Variants in PNPT1 observed in about 807,000 individuals in gnomAD.
PNPT1 encodes polyribonucleotide nucleotidyltransferase 1, mitochondrial.
A neutral mutation model predicts 119.5 loss-of-function variants in PNPT1; 53 were observed. The observed-to-expected ratio is 0.44, with a 90% CI of 0.36 to 0.56. The LOEUF is 0.56. PNPT1 is among the 20% of genes least tolerant of loss of function. PNPT1 has a pLI of 0.00. For missense variants in PNPT1, 948 were observed against 938.5 expected (o/e 1.01, Z -0.13); for synonymous variants, 357 against 322.1 (o/e 1.11, Z -1.16).
intron 4 of PNPT1, 139 bp from the exon 5 acceptor site, chr2:55,683,973 G>C: frequency 1.4e-6 from 1 of 718,184 alleles, no homozygotes; most frequent in East Asian, 2.7e-5. Context: ...GAGGGACACA[G>C]ATAAATGTCA....
intron 21 of PNPT1, 111 bp downstream of exon 21, chr2:55,646,148 A>T: frequency 9.4e-7 from 1 of 1,066,350 alleles, no homozygotes; most frequent in Admixed American, 2.7e-5. Context: ...GATCTAAGTT[A>T]TATGAAATTC....
At chr2:55,636,796 A>G (rs1461485806) in intron 27 of PNPT1, among the ~76,000 whole-genome samples, 1 of 152,194 alleles carries the variant, frequency 6.6e-6, no homozygotes, top group African/African-American at 2.4e-5. Context: ...CCAACACATT[A>G]GTGTTTATTT....
At position 55,689,852 on chromosome 2, in the gene PNPT1, T is replaced by G. The variant is rs1345299919; in HGVS notation, c.162-2147A>C. Reference sequence around the variant, plus strand: ...ATTTACTTATTTTGAGATAGGGTCTTGCTCTGTTGCCCAGGCTGGAGTGCC... The same window carrying G: ...ATTTACTTATTTTGAGATAGGGTCTGGCTCTGTTGCCCAGGCTGGAGTGCC... On this transcript the variant is annotated intron_variant, in intron 1 of 27. Transcript: ENST00000447944. Among the ~76,000 whole-genome samples the G allele has an allele frequency of 2.0e-5, 3 of 152,308 alleles. No homozygotes were observed. In the East Asian group the frequency reaches 5.8e-4, roughly 29 times the overall value.
chr2:55,685,069 A>G (rs1014777916), intron 3 of PNPT1, 21 bp from the exon 4 acceptor site: 6 of 1,544,892 alleles, frequency 3.9e-6, no homozygotes, highest in African/African-American at 1.4e-5. Context: ...AATAAAAAAA[A>G]GTTCATATAA....
chr2:55,638,059 T>C (rs1255873371), intron 26 of PNPT1, among the ~76,000 whole-genome samples: 2 of 151,122 alleles, frequency 1.3e-5, no homozygotes, highest in African/African-American at 4.9e-5. Context: ...CCCAGAACTT[T>C]GGGAGGCTGG....
At chr2:55,676,828 C>T (rs1057126272) in intron 8 of PNPT1, among the ~76,000 whole-genome samples, 3 of 150,776 alleles carry the variant, frequency 2.0e-5, no homozygotes, top group African/African-American at 7.3e-5. Flanking sequence ...TGCCACTGTA[C>T]TCCAGCCTCG....
At chr2:55,648,543 T>C (rs1178786490) in intron 18 of PNPT1, among the ~76,000 whole-genome samples, 2 of 152,252 alleles carry the variant, frequency 1.3e-5, no homozygotes, top group African/African-American at 2.4e-5. Flanking sequence ...AAAAAATGGT[T>C]ATTTTAAATC....
intron 25 of PNPT1, among the ~76,000 whole-genome samples, chr2:55,642,173 A>C (rs1301630324): frequency 6.6e-6 from 1 of 152,158 alleles, no homozygotes; most frequent in Non-Finnish European, 1.5e-5. Flanking sequence ...CCAATTAAGC[A>C]TTCAGATATG....
intron 1 of PNPT1, among the ~76,000 whole-genome samples, chr2:55,689,371 C>T (rs574626425): frequency 1.4e-3 from 206 of 152,274 alleles, no homozygotes; most frequent in African/African-American, 4.5e-3. Flanking sequence ...AAATACAAAT[C>T]CAAATCACAG....
chr2:55,679,648 A>C, intron 8 of PNPT1, 34 bp downstream of exon 8: 1 of 1,425,248 alleles, frequency 7.0e-7, no homozygotes, highest in Non-Finnish European at 9.9e-7. Flanking sequence ...TGTAAGTAAA[A>C]TCCAGAACAA....
chr2:55,691,866 A>T (rs1572841477), intron 1 of PNPT1, among the ~76,000 whole-genome samples: 2 of 77,272 alleles, frequency 2.6e-5, no homozygotes, highest in Non-Finnish European at 4.8e-5. Flanking sequence ...ATATATATAT[A>T]TATATATATA....
In PNPT1 at chr2:55,644,735, A is replaced by G; in HGVS notation, c.1823-15T>C. On this transcript the variant is annotated splice_polypyrimidine_tract_variant and intron_variant, in intron 22 of 27. Coordinates refer to ENST00000447944, the MANE Select transcript of PNPT1 (RefSeq NM_033109.5). Reference sequence around the variant, plus strand: ...CTGAACAGTTTCTGGAACGTAATACAGACAAATATATAAACAATTCAACTA... The same window carrying G: ...CTGAACAGTTTCTGGAACGTAATACGGACAAATATATAAACAATTCAACTA... 6.4e-7 allele frequency: 1 copy of G among 1,570,744 alleles called. No homozygotes were observed. Among genetic ancestry groups the G allele is most frequent in the Non-Finnish European group, 8.7e-7 (1 of 1,143,102 alleles).
At chr2:55,651,536 C>T (rs1415286298) in intron 18 of PNPT1, among the ~76,000 whole-genome samples, 5 of 152,084 alleles carry the variant, frequency 3.3e-5, no homozygotes, top group African/African-American at 4.8e-5. Flanking sequence ...AGATTAAGGG[C>T]GGTGCAAGAT....
intron 7 of PNPT1, 57 bp downstream of exon 7, chr2:55,680,655 C>T: frequency 6.7e-7 from 1 of 1,494,704 alleles, no homozygotes; most frequent in Non-Finnish European, 9.2e-7. Context: ...ATGGTCACTA[C>T]TACTTACTGA....
rs70954146 is a variant in PNPT1, at chr2:55,677,596, C to CAAAAA, written c.679+2081_679+2085dup. ...TGGGCAACAGAGCGAGACTATGTCTCAAAAAAAAAAAAAAAAAAAAAAAAA... is the reference window on the plus strand; with the variant it reads ...TGGGCAACAGAGCGAGACTATGTCTCAAAAAAAAAAAAAAAAAAAAAAAAAAAAAA... On this transcript the variant is annotated intron_variant, in intron 8 of 27. Coordinates refer to ENST00000447944, the MANE Select transcript of PNPT1 (RefSeq NM_033109.5). Among the ~76,000 whole-genome samples the CAAAAA allele has an allele frequency of 8.7e-4, 29 of 33,496 alleles. 3 individuals carry two copies. The highest frequency in any genetic ancestry group is 1.8e-3 in the Admixed American group (4 of 2,258). 22.0% of individuals were successfully genotyped at this position (33,496 alleles called of 152,430 possible).
chr2:55,680,751 C>T lies in PNPT1; in HGVS notation c.526G>A (p.Ala176Thr), dbSNP rs1365308037. 6.2e-7 allele frequency: 1 copy of T among 1,613,484 alleles called. No homozygotes were observed. Among genetic ancestry groups the T allele is most frequent in the Non-Finnish European group, 8.5e-7 (1 of 1,179,850 alleles). ...DVLAINGASV[A>T]LSLSDIPWNG... ...CAAGGAATATCTGATAATGAGAGGGCTACGGAAGCTTAAAAAAGGAGAAAA... is the reference window on the plus strand; with the variant it reads ...CAAGGAATATCTGATAATGAGAGGGTTACGGAAGCTTAAAAAAGGAGAAAA... Residue 176 changes from alanine (A) to threonine (T), a missense_variant, in exon 7 of 28, where the codon GCC (alanine) becomes ACC (threonine). Transcript: ENST00000447944.
intron 13 of PNPT1, among the ~76,000 whole-genome samples, chr2:55,663,584 A>G (rs1187537181): frequency 1.3e-5 from 2 of 152,240 alleles, no homozygotes; most frequent in East Asian, 3.8e-4. Context: ...TGAAAACCAA[A>G]GATGAGGTGC....
At chr2:55,693,139 A>G (rs1019616327) in intron 1 of PNPT1, among the ~76,000 whole-genome samples, 1 of 152,072 alleles carries the variant, frequency 6.6e-6, no homozygotes, top group Admixed American at 6.6e-5. Context: ...TGTGAACTGG[A>G]CCTGGTGTTC....
At chr2:55,657,606 G>C (rs991303859) in intron 15 of PNPT1, among the ~76,000 whole-genome samples, 2 of 151,258 alleles carry the variant, frequency 1.3e-5, no homozygotes, top group Non-Finnish European at 2.9e-5. Flanking sequence ...GGCTGGTCTT[G>C]AACTCCTGAC....
Sources: gnomAD v4.1 joint callset for allele counts (sites outside exome capture counted in the v4.1 genomes callset) on GRCh38, gnomAD v4.1.1 for gene constraint, MANE v1.5 for transcripts, NCBI Gene and HGNC (gene_info 2026-07-23, HGNC 2026-07-21) for gene names.